Variants in CNTNAP2 observed in about 807,000 individuals in gnomAD.
The protein encoded by CNTNAP2 is contactin-associated protein-like 2.
In CNTNAP2, 98 loss-of-function variants were observed where a neutral mutation model predicts 155.2. The ratio of observed to expected loss-of-function variants is 0.63; its 90% CI spans 0.54 to 0.75. The LOEUF is 0.75. CNTNAP2 is among the 30% of genes least tolerant of loss of function. CNTNAP2 has a pLI of 0.00. For missense variants in CNTNAP2, 1,727 were observed against 1,688.1 expected (o/e 1.02, Z -0.40); for synonymous variants, 651 against 631.2 (o/e 1.03, Z -0.47).
chr7:146,889,177 A>T (rs1170911051), intron 3 of CNTNAP2, among the ~76,000 whole-genome samples: 8 of 152,162 alleles, frequency 5.3e-5, no homozygotes, highest in Non-Finnish European at 1.0e-4. Context: ...ATACCTCAAT[A>T]AAGCAGTTTT....
intron 13 of CNTNAP2, among the ~76,000 whole-genome samples, chr7:147,728,809 G>A (rs1796687150): frequency 1.3e-5 from 2 of 151,766 alleles, no homozygotes; most frequent in Non-Finnish European, 2.9e-5. Flanking sequence ...CTGATATTAT[G>A]GGCCTAGAGC....
At chr7:148,108,712 G>A (rs1009184368) in intron 15 of CNTNAP2, among the ~76,000 whole-genome samples, 1 of 152,200 alleles carries the variant, frequency 6.6e-6, no homozygotes, top group Non-Finnish European at 1.5e-5. Flanking sequence ...GGAATGGGGA[G>A]ATGGTCAAAG....
chr7:147,965,041 C>G (rs1490738056), intron 14 of CNTNAP2, among the ~76,000 whole-genome samples: 1 of 152,126 alleles, frequency 6.6e-6, no homozygotes, highest in Admixed American at 6.6e-5. Context: ...GTTGGCCATC[C>G]TATTTCAGAA....
intron 8 of CNTNAP2, among the ~76,000 whole-genome samples, chr7:147,210,464 CT>C (rs1361919233): frequency 6.6e-6 from 1 of 150,904 alleles, no homozygotes. Flanking sequence ...TTTTAATATG[CT>C]TATTTAAATC....
chr7:147,297,494 GAT>G (rs1000221198), intron 8 of CNTNAP2, among the ~76,000 whole-genome samples: 1 of 152,144 alleles, frequency 6.6e-6, no homozygotes, highest in African/African-American at 2.4e-5. Flanking sequence ...AGAGGAAAAT[GAT>G]ATGTTATTTA....
intron 1 of CNTNAP2, among the ~76,000 whole-genome samples, chr7:146,602,520 T>C (rs545366108): frequency 9.2e-5 from 14 of 152,326 alleles, no homozygotes; most frequent in African/African-American, 3.4e-4. Context: ...GTTTACTTGA[T>C]ATTTAAAAGG....
At chr7:146,783,815 TG>T (rs1225379692) in intron 2 of CNTNAP2, among the ~76,000 whole-genome samples, 1 of 152,224 alleles carries the variant, frequency 6.6e-6, no homozygotes, top group Non-Finnish European at 1.5e-5. Context: ...ACAGATCTTG[TG>T]CTCTGGGATC....
At chr7:147,369,056 A>T (rs1299231384) in intron 9 of CNTNAP2, among the ~76,000 whole-genome samples, 1 of 152,182 alleles carries the variant, frequency 6.6e-6, no homozygotes, top group Non-Finnish European at 1.5e-5. Flanking sequence ...GGACTTTTGG[A>T]CTATGGTCTA....
intron 15 of CNTNAP2, among the ~76,000 whole-genome samples, chr7:147,985,071 C>T (rs748631180): frequency 7.2e-5 from 11 of 151,862 alleles, no homozygotes; most frequent in Non-Finnish European, 1.2e-4. Context: ...GCCGAAATCA[C>T]GCCATTGTAC....
At chr7:148,185,451 G>T (rs953883615) in intron 18 of CNTNAP2, among the ~76,000 whole-genome samples, 2 of 152,204 alleles carry the variant, frequency 1.3e-5, no homozygotes, top group African/African-American at 4.8e-5. Flanking sequence ...GAAATAAAAA[G>T]CAACTGCTAC....
intron 1 of CNTNAP2, among the ~76,000 whole-genome samples, chr7:146,215,674 T>A (rs554789989): frequency 9.0e-4 from 137 of 152,188 alleles, no homozygotes; most frequent in Non-Finnish European, 1.6e-3. Flanking sequence ...TTTGTTAAAC[T>A]TCCTGTATGG....
chr7:147,366,895 T>G (rs1258449492), intron 9 of CNTNAP2, among the ~76,000 whole-genome samples: 1 of 152,110 alleles, frequency 6.6e-6, no homozygotes, highest in Non-Finnish European at 1.5e-5. Flanking sequence ...GCAATATAAT[T>G]TATTATATAT....
At chr7:146,581,659 CAA>C (rs11331896) in intron 1 of CNTNAP2, among the ~76,000 whole-genome samples, 4,995 of 145,022 alleles carry the variant, frequency 0.034, 279 homozygotes, top group African/African-American at 0.12. Flanking sequence ...CCATTTTTAG[CAA>C]AAAAAAAAAG....
chr7:146,246,882 T>C (rs1006132247), intron 1 of CNTNAP2, among the ~76,000 whole-genome samples: 6 of 152,182 alleles, frequency 3.9e-5, no homozygotes, highest in Non-Finnish European at 5.9e-5. Flanking sequence ...GAACGCCTGG[T>C]CGCTGCGTTT....
At chr7:148,365,185 G>A (rs1327161762) in intron 21 of CNTNAP2, among the ~76,000 whole-genome samples, 5 of 152,100 alleles carry the variant, frequency 3.3e-5, no homozygotes, top group Admixed American at 3.3e-4. Context: ...ACCTAGAGTA[G>A]CATCTCCCCG....
At chr7:147,457,153 CTG>C (rs1244050910) in intron 10 of CNTNAP2, among the ~76,000 whole-genome samples, 2 of 152,132 alleles carry the variant, frequency 1.3e-5, no homozygotes, top group East Asian at 1.9e-4. Flanking sequence ...TTTCATTTCA[CTG>C]TGTCATGCTG....
At chr7:148,385,571 A>ATAGAC (rs1232812469) in intron 22 of CNTNAP2, among the ~76,000 whole-genome samples, 1 of 152,112 alleles carries the variant, frequency 6.6e-6, no homozygotes, top group Non-Finnish European at 1.5e-5. Flanking sequence ...GTCAGGGCCA[A>ATAGAC]TAGACTAGTT....
At chr7:146,625,614 C>T (rs896089634) in intron 1 of CNTNAP2, among the ~76,000 whole-genome samples, 2 of 152,012 alleles carry the variant, frequency 1.3e-5, no homozygotes, top group Admixed American at 6.6e-5. Flanking sequence ...ATAAAAGACG[C>T]ATTTTAAGAA....
At chr7:146,918,311 G>T (rs1796434348) in intron 3 of CNTNAP2, among the ~76,000 whole-genome samples, 1 of 151,834 alleles carries the variant, frequency 6.6e-6, no homozygotes, top group East Asian at 1.9e-4. Flanking sequence ...ATTCTATTTT[G>T]GTGTGTTTCG....
Sources: allele counts gnomAD v4.1 joint callset (sites outside exome capture counted in the v4.1 genomes callset), GRCh38; gene constraint gnomAD v4.1.1; transcripts MANE v1.5; gene names NCBI Gene and HGNC (gene_info 2026-07-23, HGNC 2026-07-21).